The following PDE10A variants were observed in gnomAD, a reference collection of about 807,000 sequenced individuals.
The protein encoded by PDE10A is phosphodiesterase 10A, also known as cAMP and cAMP-inhibited cGMP 3',5'-cyclic phosphodiesterase 10A.
Under a neutral mutation model 97.7 loss-of-function variants are expected in PDE10A, and 39 were observed. The ratio of observed to expected loss-of-function variants is 0.40; its 90% CI spans 0.31 to 0.52. The LOEUF (loss-of-function observed/expected upper bound fraction) is 0.52. Among genes scored for constraint, PDE10A ranks in the 20% least tolerant of loss-of-function variants. The probability of loss-of-function intolerance (pLI) is 0.56; values close to 1 mark genes in which losing one functional copy is unlikely to be tolerated. For missense variants in PDE10A, 731 were observed against 1,047.8 expected, an observed-to-expected ratio of 0.70 and a Z score of 4.17; for synonymous variants, 371 against 376.8, an observed-to-expected ratio of 0.98 and a Z score of 0.18.
At chr6:165,797,430 G>A (rs1263987079) in intron 1 of PDE10A, among the ~76,000 whole-genome samples, 2 of 152,118 alleles carry the variant, frequency 1.3e-5, no homozygotes, top group Non-Finnish European at 2.9e-5. Context: ...ATAATAAAAA[G>A]CTTTCCCTTA....
chr6:165,794,781 A>C (rs1583101759), intron 1 of PDE10A, among the ~76,000 whole-genome samples: 1 of 152,234 alleles, frequency 6.6e-6, no homozygotes, highest in East Asian at 1.9e-4. Context: ...TCATACTTTA[A>C]AAGGCAGGTC....
chr6:165,908,066 C>G (rs113662849), intron 1 of PDE10A, among the ~76,000 whole-genome samples: 4 of 152,338 alleles, frequency 2.6e-5, no homozygotes, highest in South Asian at 2.1e-4. Context: ...CCCGGAGGAA[C>G]CTCTTATTTC....
At chr6:165,653,960 G>A (rs1789813192) in intron 1 of PDE10A, among the ~76,000 whole-genome samples, 1 of 152,022 alleles carries the variant, frequency 6.6e-6, no homozygotes, top group South Asian at 2.1e-4. Flanking sequence ...TGAGCCTGGC[G>A]CCTCTGTCCA....
Position 165,963,117 on chromosome 6 carries a change from C to T in PDE10A, c.-615+24412G>A, listed in dbSNP as rs140364552. Among the ~76,000 whole-genome samples, 313 of 152,252 alleles carry T rather than the reference C, an allele frequency of 2.1e-3. 2 individuals are homozygous for T. Among genetic ancestry groups the T allele is most frequent in the African/African-American group, 7.3e-3 (305 of 41,540 alleles). On this transcript the variant is annotated intron_variant, in intron 1 of 19. Coordinates refer to the PDE10A transcript ENST00000366882. ...GAATGAAGAATGCAACCTTTTCCAT[C>T]CTTTGAAATAAAAATTTTTCAAGAC...
At chr6:165,792,172 C>G (rs1360089876) in intron 1 of PDE10A, among the ~76,000 whole-genome samples, 1 of 152,342 alleles carries the variant, frequency 6.6e-6, no homozygotes, top group East Asian at 1.9e-4. Flanking sequence ...CGCCCCTGCC[C>G]CACTTGCCCT....
intron 1 of PDE10A, among the ~76,000 whole-genome samples, chr6:165,825,145 CAAAAAAA>C (rs1199061190): frequency 1.2e-4 from 6 of 50,916 alleles, no homozygotes; most frequent in Admixed American, 2.2e-4. Flanking sequence ...GACTCCATCT[CAAAAAAA>C]AAAAAAAAAA....
intron 1 of PDE10A, among the ~76,000 whole-genome samples, chr6:165,827,025 C>A (rs1308008326): frequency 6.6e-6 from 1 of 152,122 alleles, no homozygotes; most frequent in Non-Finnish European, 1.5e-5. Flanking sequence ...CTGGGTGACG[C>A]CAGCCGCACA....
At chr6:165,767,169 A>G (rs751496013) in intron 1 of PDE10A, among the ~76,000 whole-genome samples, 1 of 152,194 alleles carries the variant, frequency 6.6e-6, no homozygotes, top group Non-Finnish European at 1.5e-5. Flanking sequence ...AGTTCCCTAA[A>G]AGACTGGGTC....
chr6:165,340,302 T>A (rs1447054977), intron 19 of PDE10A, among the ~76,000 whole-genome samples: 1 of 152,216 alleles, frequency 6.6e-6, no homozygotes, highest in Non-Finnish European at 1.5e-5. Context: ...TTTTATTATT[T>A]TAGTAACGTT....
At chr6:165,633,874 A>T (rs867308158) in intron 1 of PDE10A, among the ~76,000 whole-genome samples, 5 of 151,716 alleles carry the variant, frequency 3.3e-5, no homozygotes, top group Non-Finnish European at 5.9e-5. Context: ...TTTTATTTTT[A>T]AAAAATTCCT....
intron 1 of PDE10A, among the ~76,000 whole-genome samples, chr6:165,927,598 T>G (rs1782976802): frequency 2.0e-5 from 3 of 148,142 alleles, no homozygotes; most frequent in Non-Finnish European, 4.5e-5. Flanking sequence ...TGCTTATATG[T>G]CTTTTTTTTC....
intron 1 of PDE10A, among the ~76,000 whole-genome samples, chr6:165,680,346 C>A (rs1424357068): frequency 6.6e-5 from 10 of 152,218 alleles, no homozygotes; most frequent in African/African-American, 2.2e-4. Flanking sequence ...GCTGTAGCAA[C>A]CTCCACGGAG....
chr6:165,862,227 G>A (rs1191590116), intron 1 of PDE10A, among the ~76,000 whole-genome samples: 1 of 152,070 alleles, frequency 6.6e-6, no homozygotes, highest in Non-Finnish European at 1.5e-5. Flanking sequence ...AAAATAATTC[G>A]GTGATTTTCC....
chr6:165,822,446 G>C (rs571101113), intron 1 of PDE10A, among the ~76,000 whole-genome samples: 1 of 150,814 alleles, frequency 6.6e-6, no homozygotes, highest in South Asian at 2.1e-4. Context: ...CACACACCTG[G>C]GCTGGATGGC....
In PDE10A at chr6:165,362,619, T is replaced by G. The variant is rs1400168567; in HGVS notation, c.2783+16575A>C. ...AACATCTATACCCACATGACTTCAC[T>G]GGTAAATTCTATACATTTGAAGATG... On this transcript the variant is annotated intron_variant, in intron 18 of 21. Coordinates refer to ENST00000539869, the MANE Select transcript of PDE10A (RefSeq NM_001385079.1). Among the ~76,000 whole-genome samples, 4 of 152,178 alleles carry G rather than the reference T, an allele frequency of 2.6e-5. No homozygotes were observed. In the East Asian group the frequency reaches 7.7e-4, roughly 29 times the overall value.
At chr6:165,515,495 C>A (rs1222373838) in intron 2 of PDE10A, among the ~76,000 whole-genome samples, 4 of 149,524 alleles carry the variant, frequency 2.7e-5, no homozygotes, top group Non-Finnish European at 5.9e-5. Flanking sequence ...AGTATACACA[C>A]ACACACACAC....
intron 1 of PDE10A, among the ~76,000 whole-genome samples, chr6:165,675,973 A>G (rs1404491749): frequency 6.6e-6 from 1 of 152,346 alleles, no homozygotes; most frequent in Non-Finnish European, 1.5e-5. Flanking sequence ...TAGCAAAGAT[A>G]TGGAATCACC....
intron 13 of PDE10A, among the ~76,000 whole-genome samples, chr6:165,406,501 C>T (rs1787182749): frequency 6.6e-6 from 1 of 152,114 alleles, no homozygotes; most frequent in Admixed American, 6.5e-5. Context: ...CAAACTCTTT[C>T]ATGAACCCTA....
At chr6:165,534,065 AAAAG>A (rs1363655436) in intron 2 of PDE10A, among the ~76,000 whole-genome samples, 1 of 152,040 alleles carries the variant, frequency 6.6e-6, no homozygotes, top group Non-Finnish European at 1.5e-5. Context: ...AGACTAAGAA[AAAAG>A]AAAGAAGACT....
Sources: allele counts gnomAD v4.1 joint callset (sites outside exome capture counted in the v4.1 genomes callset), GRCh38; gene constraint gnomAD v4.1.1; transcripts MANE v1.5; gene names NCBI Gene and HGNC (gene_info 2026-07-23, HGNC 2026-07-21).